PCNT: variants seen among roughly 807,000 people sequenced by gnomAD.
The protein encoded by PCNT is pericentrin, also known as kendrin.
PCNT carries 319 observed loss-of-function variants against 380.4 expected under a neutral mutation model. The observed-to-expected ratio is 0.84, with a 90% confidence interval of 0.77 to 0.92. The LOEUF is 0.92. Ranked by LOEUF, PCNT falls within the 40% of genes least tolerant of loss-of-function variation. The pLI is 0.00. For missense variants in PCNT, 4,400 were observed against 4,255.3 expected, an observed-to-expected ratio of 1.03 and a Z score of -0.95; for synonymous variants, 1,845 against 1,735.2, an observed-to-expected ratio of 1.06 and a Z score of -1.57.
In PCNT at chr21:46,431,590, A is replaced by C; in HGVS notation, c.8126A>C (p.Lys2709Thr). The C allele has an allele frequency of 6.2e-7, 1 of 1,614,068 alleles. No homozygotes were observed. The highest frequency in any genetic ancestry group is 8.5e-7 in the Non-Finnish European group (1 of 1,179,968). ...AQSSRLCVAL[K>T]HEQTAKDNLQ... ...AGCAGTCGACTCTGCGTGGCACTGA[A>C]ACACGAGCAGACGGCCAAGGACAAC... is the stretch of plus-strand genomic sequence containing the variant. The change falls in exon 38 of 47, where the codon AAA becomes ACA. Residue 2709 changes from lysine to threonine, a missense_variant. By Grantham distance (78) the Lys-to-Thr change is moderately conservative. Transcript: ENST00000359568.
chr21:46,366,524 G>C lies in PCNT; in HGVS notation c.2610-60G>C, dbSNP rs1435253965. 4.1e-6 allele frequency: 6 copies of C among 1,449,654 alleles called. No individual in the cohort carries two copies. The African/African-American group carries it at 4.2e-5, about 10-fold the overall frequency. 89.8% of individuals were successfully genotyped at this position (1,449,654 alleles called of 1,614,324 possible). A position where few individuals can be genotyped will look rare whatever the true frequency, so the allele number is the denominator to read the frequency against. ...CCTGTGGGAAACTGACTTGGCTTTT[G>C]CAAGGGTCATTGCTTCCTGATGCAT... On this transcript the variant is annotated intron_variant, in intron 14 of 46. Coordinates refer to ENST00000359568, the MANE Select transcript of PCNT (RefSeq NM_006031.6).
intron 14 of PCNT, among the ~76,000 whole-genome samples, chr21:46,365,622 G>T (rs2084893058): frequency 6.8e-6 from 1 of 146,006 alleles, no homozygotes; most frequent in African/African-American, 2.6e-5. Flanking sequence ...CTGCCGTGGG[G>T]TTCTGATCAC....
At chr21:46,329,577 T>A (rs2083490867) in intron 2 of PCNT, among the ~76,000 whole-genome samples, 1 of 152,220 alleles carries the variant, frequency 6.6e-6, no homozygotes, top group South Asian at 2.1e-4. Flanking sequence ...TCCCCTTGAC[T>A]TAGAGATGCA....
chr21:46,436,193 C>T (rs2236616), intron 39 of PCNT, 45 bp downstream of exon 39: 53 of 1,596,748 alleles, frequency 3.3e-5, no homozygotes, highest in Non-Finnish European at 4.5e-5. Context: ...CTTGCAGCCA[C>T]CCCTCTGTCC....
chr21:46,356,886 A>G, intron 12 of PCNT, 88 bp from the exon 13 acceptor site: 1 of 1,065,208 alleles, frequency 9.4e-7, no homozygotes, highest in Non-Finnish European at 1.5e-6. Context: ...AGAAGCATTT[A>G]TAGGTTGCCG....
At chr21:46,382,642 GCGTT>G (rs2085607933) in intron 16 of PCNT, among the ~76,000 whole-genome samples, 1 of 126,506 alleles carries the variant, frequency 7.9e-6, no homozygotes, top group Non-Finnish European at 1.6e-5. Context: ...ACGGTGTTGT[GCGTT>G]CAGTGGCGGA....
At chr21:46,429,986 T>C in intron 35 of PCNT, 24 bp from the exon 36 acceptor site, 1 of 1,601,888 alleles carries the variant, frequency 6.2e-7, no homozygotes, top group Non-Finnish European at 8.6e-7. Flanking sequence ...TGGGGGCCTG[T>C]TACTGTTCTT....
intron 38 of PCNT, 97 bp downstream of exon 38, chr21:46,432,312 C>T (rs2087803959): frequency 2.5e-6 from 3 of 1,207,976 alleles, no homozygotes; most frequent in Non-Finnish European, 3.6e-6. Flanking sequence ...TATGTCTGGC[C>T]CTCTGACCTG....
Position 46,353,324 on chromosome 21 carries a change from T to A in PCNT, c.1677T>A (p.Val559=). 2 of 1,613,600 alleles carry A rather than the reference T, an allele frequency of 1.2e-6. No homozygotes were observed. Among genetic ancestry groups the A allele is most frequent in the Non-Finnish European group, 1.7e-6 (2 of 1,179,628 alleles). ...REDALLDSVE[V]GLSCVGLEEK... ...ATGCTCTTCTGGACTCTGTGGAAGT[T>A]GGGTAAGCAAAGCAGTTCCAGCCTC... The change falls in exon 10 of 47, where the codon GTT becomes GTA. Residue 559 remains valine, a splice_region_variant and synonymous_variant. Transcript: ENST00000359568.
In PCNT at chr21:46,398,221, C is replaced by A. The variant is rs1299955867; in HGVS notation, c.4564-14C>A. Reference sequence around the variant, plus strand: ...TCTTTAAATTTTTGCCTTCCATGTACATGAAATCGGCAGCAGGCGCCGCTG... The same window carrying A: ...TCTTTAAATTTTTGCCTTCCATGTAAATGAAATCGGCAGCAGGCGCCGCTG... On this transcript the variant is annotated splice_polypyrimidine_tract_variant and intron_variant, in intron 23 of 46. Transcript: ENST00000359568. 6.2e-7 allele frequency: 1 copy of A among 1,608,632 alleles called. No homozygotes were observed. The highest frequency in any genetic ancestry group is 8.5e-7 in the Non-Finnish European group (1 of 1,178,470).
intron 3 of PCNT, among the ~76,000 whole-genome samples, chr21:46,337,565 T>C (rs1449770757): frequency 1.3e-5 from 2 of 152,118 alleles, no homozygotes; most frequent in African/African-American, 4.8e-5. Context: ...CCTGGTCAAT[T>C]TTTTAAAGTT....
At chr21:46,361,546 C>A (rs2084717380) in intron 13 of PCNT, among the ~76,000 whole-genome samples, 1 of 152,204 alleles carries the variant, frequency 6.6e-6, no homozygotes, top group Non-Finnish European at 1.5e-5. Context: ...CTGCAGTTTT[C>A]ATAGACTAGA....
At position 46,425,366 on chromosome 21, in the gene PCNT, G is replaced by T. The variant is rs2087451145; in HGVS notation, c.7180-465G>T. ...TCACCCCACGCTGGTGGTCGGCACTGGCCTCAGCCGGACCACGCACAGAGG... is the reference window on the plus strand; with the variant it reads ...TCACCCCACGCTGGTGGTCGGCACTTGCCTCAGCCGGACCACGCACAGAGG... On this transcript the variant is annotated intron_variant, in intron 32 of 46. Transcript: ENST00000359568. The surrounding 1 kb of genome is among the most constrained non-coding windows in gnomAD (Gnocchi z 4.2). Among the ~76,000 whole-genome samples, 2 of 152,252 alleles carry T rather than the reference G, an allele frequency of 1.3e-5. No homozygotes were observed. The highest frequency in any genetic ancestry group is 1.3e-4 in the Admixed American group (2 of 15,288).
intron 40 of PCNT, 107 bp from the exon 41 acceptor site, chr21:46,438,057 C>G (rs1222980528): frequency 4.4e-6 from 4 of 918,518 alleles, no homozygotes; most frequent in Non-Finnish European, 3.5e-6. Flanking sequence ...CATTGAACCC[C>G]AGACACATTA....
At position 46,412,070 on chromosome 21, in the gene PCNT, G is replaced by C; in HGVS notation, c.5994+3G>C. The C allele has an allele frequency of 6.2e-7, 1 of 1,605,866 alleles. No individual in the cohort carries two copies. The highest frequency in any genetic ancestry group is 8.5e-7 in the Non-Finnish European group (1 of 1,179,742). ...AGCCGGTTGTCCCTGACCCACAGGTGGGCTCCCCCCGCGGGCCATGGCAGG... is the reference window on the plus strand; with the variant it reads ...AGCCGGTTGTCCCTGACCCACAGGTCGGCTCCCCCCGCGGGCCATGGCAGG... On this transcript the variant is annotated splice_donor_region_variant and intron_variant, in intron 28 of 46. Transcript: ENST00000359568.
chr21:46,403,183 G>A (rs147272393), intron 27 of PCNT, among the ~76,000 whole-genome samples: 2,096 of 140,096 alleles, frequency 0.015, 5 homozygotes, highest in Non-Finnish European at 0.022. Flanking sequence ...GCGCGTGCTC[G>A]GTGAATGAAC....
At chr21:46,378,912 TA>T (rs2085417498) in intron 15 of PCNT, among the ~76,000 whole-genome samples, 1 of 152,358 alleles carries the variant, frequency 6.6e-6, no homozygotes, top group Admixed American at 6.5e-5. Flanking sequence ...ACGTGTCTTT[TA>T]AACCAGGAGG....
chr21:46,382,897 C>G (rs1166976662), intron 16 of PCNT, among the ~76,000 whole-genome samples: 1 of 132,210 alleles, frequency 7.6e-6, no homozygotes, highest in Non-Finnish European at 1.5e-5. Flanking sequence ...GAAGCGCATT[C>G]ACGGTGTTGT....
chr21:46,354,127 C>A, intron 11 of PCNT, 59 bp downstream of exon 11: 2 of 1,394,730 alleles, frequency 1.4e-6, no homozygotes, highest in Non-Finnish European at 2.0e-6. Context: ...TCCAGCCCTG[C>A]GTCTTCCACA....
Sources: gnomAD v4.1 joint callset for allele counts (sites outside exome capture counted in the v4.1 genomes callset) on GRCh38, gnomAD v4.1.1 for gene constraint, Gnocchi (gnomAD v3.1) non-coding constraint, MANE v1.5 for transcripts, NCBI Gene and HGNC (gene_info 2026-07-23, HGNC 2026-07-21) for gene names.